MLF2: variants seen among roughly 807,000 people sequenced by gnomAD.
The protein encoded by MLF2 is myeloid leukemia factor 2.
MLF2 carries 12 observed loss-of-function variants against 31.4 expected under a neutral mutation model. The ratio of observed to expected loss-of-function variants is 0.38; its 90% CI spans 0.24 to 0.62. The LOEUF (loss-of-function observed/expected upper bound fraction) is 0.62, where lower values mean the gene tolerates loss of function less well. MLF2 is among the 20% of genes least tolerant of loss of function. The pLI is 0.58. For missense variants in MLF2, 272 were observed against 359.7 expected, an observed-to-expected ratio of 0.76 and a Z score of 1.97; for synonymous variants, 109 against 118.8, an observed-to-expected ratio of 0.92 and a Z score of 0.54.
At position 6,750,793 on chromosome 12, in the gene MLF2, T is replaced by C; in HGVS notation, c.217-27A>G. 1 of 1,609,354 alleles carries C rather than the reference T, an allele frequency of 6.2e-7. No homozygotes were observed. The highest frequency in any genetic ancestry group is 1.1e-5 in the South Asian group (1 of 90,846). Reference sequence around the variant, plus strand: ...TGGAGGAAAGAGATGGAAAACAGAGTCAGGAAAGCAAAGTCAGTGTTCAGA... The same window carrying C: ...TGGAGGAAAGAGATGGAAAACAGAGCCAGGAAAGCAAAGTCAGTGTTCAGA... On this transcript the variant is annotated intron_variant, in intron 4 of 8. Coordinates refer to ENST00000203630, the MANE Select transcript of MLF2 (RefSeq NM_001382226.1). The surrounding 1 kb of genome is among the most constrained non-coding windows in gnomAD (Gnocchi z 5.3).
rs914394468 is a variant in MLF2 at position 6,752,172 on chromosome 12, A to G, written c.50+113T>C. On this transcript the variant is annotated intron_variant, in intron 2 of 8. Coordinates refer to ENST00000203630, the MANE Select transcript of MLF2 (RefSeq NM_001382226.1). The surrounding 1 kb of genome is among the most constrained non-coding windows in gnomAD (Gnocchi z 4.6). ...CACCGATGCCTACTTCCTGCTAGGT[A>G]GGAGCTAGGTATCCAGCCAGTTCCA... The G allele has an allele frequency of 6.4e-6, 10 of 1,551,370 alleles. No individual in the cohort carries two copies. In the African/African-American group the frequency reaches 1.2e-4, roughly 19 times the overall value.
chr12:6,748,497 C>CA lies in MLF2; in HGVS notation c.*75_*76insT, dbSNP rs61179059. ...TTAATATTAAATTGGGGATGGGAAT[C>CA]GAGAGGAAAAAGTTATTCAGGGGAT... On this transcript the variant is annotated 3_prime_UTR_variant, in exon 9 of 9. Coordinates refer to ENST00000203630, the MANE Select transcript of MLF2 (RefSeq NM_001382226.1). The surrounding 1 kb of genome is among the most constrained non-coding windows in gnomAD (Gnocchi z 4.6). 0.13 allele frequency: 39,363 copies of CA among 298,012 alleles called. 3,013 individuals are homozygous for CA. The highest frequency in any genetic ancestry group is 0.21 in the African/African-American group (9,578 of 46,202). 18.5% of individuals were successfully genotyped at this position (298,012 alleles called of 1,614,324 possible).
At position 6,750,170 on chromosome 12, in the gene MLF2, A is replaced by G. The variant is rs377010164; in HGVS notation, c.399+7T>C. The G allele has an allele frequency of 3.6e-5, 58 of 1,614,050 alleles. No individual in the cohort carries two copies. Among genetic ancestry groups the G allele is most frequent in the Non-Finnish European group, 4.7e-5 (55 of 1,180,044 alleles). ...CTTCTCTGGGACAGGAGGGCTCCCC[A>G]ACTCACCCCGCCTGGTGCCGAGCGC... On this transcript the variant is annotated splice_region_variant and intron_variant, in intron 6 of 8. Transcript: ENST00000203630. This position sits in a 1 kb window ranked among gnomAD's most constrained non-coding sequence, Gnocchi z 5.3.
At position 6,750,595 on chromosome 12, in the gene MLF2, C is replaced by G; in HGVS notation, c.270+118G>C. 2 of 1,239,032 alleles carry G rather than the reference C, an allele frequency of 1.6e-6. No homozygotes were observed. Among genetic ancestry groups the G allele is most frequent in the South Asian group, 2.6e-5 (2 of 76,700 alleles). 76.8% of individuals were successfully genotyped at this position (1,239,032 alleles called of 1,614,324 possible). A position where few individuals can be genotyped will look rare whatever the true frequency, so the allele number is the denominator to read the frequency against. ...GTCCCAAGGCTCTCTGGTTCAATTA[C>G]TTTATCCAGTACTTTACCCTTCACT... On this transcript the variant is annotated intron_variant, in intron 5 of 8. Coordinates refer to ENST00000203630, the MANE Select transcript of MLF2 (RefSeq NM_001382226.1). The surrounding 1 kb of genome is among the most constrained non-coding windows in gnomAD (Gnocchi z 5.3).
intron 3 of MLF2, 58 bp from the exon 4 acceptor site, chr12:6,751,734 C>T: frequency 6.2e-7 from 1 of 1,604,218 alleles, no homozygotes; most frequent in Non-Finnish European, 8.5e-7. Context: ...TTTACAATCC[C>T]AAACCAGGCC....
rs1941597108 is a variant in MLF2 at position 6,750,458 on chromosome 12, CCT to C, written c.271-155_271-154del. 4.6e-6 allele frequency: 5 copies of C among 1,097,852 alleles called. No individual in the cohort carries two copies. Among genetic ancestry groups the C allele is most frequent in the Admixed American group, 5.4e-5 (2 of 37,278 alleles). The allele number at this position is 1,097,852 out of a possible 1,614,324, so 68.0% of individuals were successfully genotyped here. A position where few individuals can be genotyped will look rare whatever the true frequency, so the allele number is the denominator to read the frequency against. ...GGCCTCATCATTACCCTCCCAAATT[CCT>C]CTGAGTCCAACCACGAGCAAGAAGG... On this transcript the variant is annotated intron_variant, in intron 5 of 8. Transcript: ENST00000203630. This position sits in a 1 kb window ranked among gnomAD's most constrained non-coding sequence, Gnocchi z 5.3.
chr12:6,751,732 C>T, intron 3 of MLF2, 56 bp from the exon 4 acceptor site: 1 of 1,606,322 alleles, frequency 6.2e-7, no homozygotes, highest in Non-Finnish European at 8.5e-7. Context: ...TCTTTACAAT[C>T]CCAAACCAGG....
At position 6,751,986 on chromosome 12, in the gene MLF2, A is replaced by G. The variant is rs1941622077; in HGVS notation, c.119T>C (p.Phe40Ser). The change falls in exon 3 of 9, where the codon TTC becomes TCC. Residue 40 changes from phenylalanine (F) to serine (S), a missense_variant. Physicochemically the swap from Phe to Ser is radical, Grantham distance 155. Coordinates refer to ENST00000203630, the MANE Select transcript of MLF2 (RefSeq NM_001382226.1). ...CATGTTGCCATCTGTGATGCTGAGG[A>G]AGGGGCTATATCCAAAGCCACCTGA... ...MLSGGFGYSP[F>S]LSITDGNMPG... 2 of 1,614,204 alleles carry G rather than the reference A, an allele frequency of 1.2e-6. No homozygotes were observed. The highest frequency in any genetic ancestry group is 1.7e-6 in the Non-Finnish European group (2 of 1,180,038).
In MLF2 at chr12:6,748,618, G is replaced by T; in HGVS notation, c.*26-71C>A. The T allele has an allele frequency of 1.7e-6, 1 of 592,972 alleles. No individual in the cohort carries two copies. Among genetic ancestry groups the T allele is most frequent in the Non-Finnish European group, 2.8e-6 (1 of 354,488 alleles). 36.7% of individuals were successfully genotyped at this position (592,972 alleles called of 1,614,324 possible). A position where few individuals can be genotyped will look rare whatever the true frequency, so the allele number is the denominator to read the frequency against. The stretch of plus-strand genomic sequence containing the variant: ...ACTTACGTTAAGAGCCAGGAGTTGG[G>T]GTTTAATCCCCTATGTCAGTGAGAA... On this transcript the variant is annotated intron_variant, in intron 8 of 8. Transcript: ENST00000203630. The surrounding 1 kb of genome is among the most constrained non-coding windows in gnomAD (Gnocchi z 4.6).
Position 6,749,738 on chromosome 12 carries a change from A to AG in MLF2, c.559+109dup. The AG allele has an allele frequency of 7.5e-7, 1 of 1,327,094 alleles. No homozygotes were observed. Among genetic ancestry groups the AG allele is most frequent in the Non-Finnish European group, 1.0e-6 (1 of 968,186 alleles). 82.2% of individuals were successfully genotyped at this position (1,327,094 alleles called of 1,614,324 possible). On this transcript the variant is annotated intron_variant, in intron 7 of 8. Transcript: ENST00000203630. This position sits in a 1 kb window ranked among gnomAD's most constrained non-coding sequence, Gnocchi z 5.3. ...GACTCCATCTCAAAAAAAAAAAAAA[A>AG]GGAATATGGGGCTGACCCAGAGCTT... is the stretch of plus-strand genomic sequence containing the variant.
chr12:6,751,450 C>G lies in MLF2; in HGVS notation c.216+191G>C, dbSNP rs544601718. Among the ~76,000 whole-genome samples, 9 of 152,258 alleles carry G rather than the reference C, an allele frequency of 5.9e-5. No homozygotes were observed. The South Asian group carries it at 1.7e-3, about 28-fold the overall frequency. On this transcript the variant is annotated intron_variant, in intron 4 of 8. Transcript: ENST00000203630. ...GCAAGTGATCACCCATCTCGGCCTC[C>G]CAACAAGAGTTTAACACCTTTAACC... is the stretch of plus-strand genomic sequence containing the variant.
At position 6,751,549 on chromosome 12, in the gene MLF2, A is replaced by G; in HGVS notation, c.216+92T>C. ...AAAAGAGAAGATTCTGGGGTTACTC[A>G]TGAAACTATTCCTAAGAGGCACATT... On this transcript the variant is annotated intron_variant, in intron 4 of 8. Transcript: ENST00000203630. The G allele has an allele frequency of 3.6e-6, 5 of 1,407,892 alleles. No homozygotes were observed. In the Admixed American group the frequency reaches 6.8e-5, roughly 19 times the overall value. The allele number at this position is 1,407,892 out of a possible 1,614,324, so 87.2% of individuals were successfully genotyped here.
chr12:6,748,732 C>A lies in MLF2; in HGVS notation c.*25+38G>T, dbSNP rs35247189. On this transcript the variant is annotated intron_variant, in intron 8 of 8. Coordinates refer to ENST00000203630, the MANE Select transcript of MLF2 (RefSeq NM_001382226.1). The surrounding 1 kb of genome is among the most constrained non-coding windows in gnomAD (Gnocchi z 4.6). Reference sequence around the variant, plus strand: ...GCCTGCCTTGCAGCCGAGGACCGTCCGCAGGTGCACCCCACCCTCCTTACT... The same window carrying A: ...GCCTGCCTTGCAGCCGAGGACCGTCAGCAGGTGCACCCCACCCTCCTTACT... 0.21 allele frequency: 300,413 copies of A among 1,428,490 alleles called. 33,282 individuals carry two copies. The highest frequency in any genetic ancestry group is 0.23 in the Non-Finnish European group (247,413 of 1,082,512). The allele number at this position is 1,428,490 out of a possible 1,614,324, so 88.5% of individuals were successfully genotyped here. A position where few individuals can be genotyped will look rare whatever the true frequency, so the allele number is the denominator to read the frequency against.
rs1941600607 is a variant in MLF2 at position 6,750,703 on chromosome 12, C to T, written c.270+10G>A. The T allele has an allele frequency of 6.2e-7, 1 of 1,613,652 alleles. No individual in the cohort carries two copies. Among genetic ancestry groups the T allele is most frequent in the African/African-American group, 1.3e-5 (1 of 74,886 alleles). On this transcript the variant is annotated intron_variant, in intron 5 of 8. Coordinates refer to ENST00000203630, the MANE Select transcript of MLF2 (RefSeq NM_001382226.1). This position sits in a 1 kb window ranked among gnomAD's most constrained non-coding sequence, Gnocchi z 5.3. ...AGCAAGGCCGGGGAAGGGTATGGGG[C>T]AAGTCTCACCATGTTTCCAATCATG...
chr12:6,751,618 G>A, intron 4 of MLF2, 23 bp downstream of exon 4: 1 of 1,611,152 alleles, frequency 6.2e-7, no homozygotes, highest in Non-Finnish European at 8.5e-7. Context: ...GAGATGGAAG[G>A]ACACAGGGAG....
rs1317253490 is a variant in MLF2, at chr12:6,748,442, G to A, written c.*131C>T. On this transcript the variant is annotated 3_prime_UTR_variant, in exon 9 of 9. Transcript: ENST00000203630. The surrounding 1 kb of genome is among the most constrained non-coding windows in gnomAD (Gnocchi z 4.6). Reference sequence around the variant, plus strand: ...GAAAGGTTCTCCCTGAGACCCCCAGGGAGAGGTGGGGGCCGGCTTGCCTGT... The same window carrying A: ...GAAAGGTTCTCCCTGAGACCCCCAGAGAGAGGTGGGGGCCGGCTTGCCTGT... 1.0e-5 allele frequency: 2 copies of A among 197,918 alleles called. No homozygotes were observed. The highest frequency in any genetic ancestry group is 6.1e-5 in the Admixed American group (1 of 16,434). 12.3% of individuals were successfully genotyped at this position (197,918 alleles called of 1,614,324 possible).
chr12:6,751,563 A>C lies in MLF2; in HGVS notation c.216+78T>G. On this transcript the variant is annotated intron_variant, in intron 4 of 8. Coordinates refer to ENST00000203630, the MANE Select transcript of MLF2 (RefSeq NM_001382226.1). ...TGGGGTTACTCATGAAACTATTCCT[A>C]AGAGGCACATTTGGGAATAATATCT... 2.7e-6 allele frequency: 4 copies of C among 1,490,578 alleles called. No individual in the cohort carries two copies. In the South Asian group the frequency reaches 4.5e-5, roughly 17 times the overall value. 92.3% of individuals were successfully genotyped at this position (1,490,578 alleles called of 1,614,324 possible).
At position 6,752,558 on chromosome 12, in the gene MLF2, C is replaced by G; in HGVS notation, c.-28-196G>C. The stretch of plus-strand genomic sequence containing the variant: ...CTTCAAACCTCTTTCTCAATTAGGG[C>G]CATGGAAAATTTTTCCAACCCTCTC... On this transcript the variant is annotated intron_variant, in intron 1 of 8. Transcript: ENST00000203630. The surrounding 1 kb of genome is among the most constrained non-coding windows in gnomAD (Gnocchi z 4.6). The G allele has an allele frequency of 2.0e-6, 1 of 510,316 alleles. No homozygotes were observed. Among genetic ancestry groups the G allele is most frequent in the Non-Finnish European group, 3.5e-6 (1 of 287,618 alleles). The allele number at this position is 510,316 out of a possible 1,614,324, so 31.6% of individuals were successfully genotyped here. A position where few individuals can be genotyped will look rare whatever the true frequency, so the allele number is the denominator to read the frequency against.
chr12:6,750,440 T>C lies in MLF2; in HGVS notation c.271-135A>G. On this transcript the variant is annotated intron_variant, in intron 5 of 8. Coordinates refer to ENST00000203630, the MANE Select transcript of MLF2 (RefSeq NM_001382226.1). The surrounding 1 kb of genome is among the most constrained non-coding windows in gnomAD (Gnocchi z 5.3). ...AGAACTGAAAAAACATCAGGCCTCA[T>C]CATTACCCTCCCAAATTCCTCTGAG... 1 of 1,231,870 alleles carries C rather than the reference T, an allele frequency of 8.1e-7. No homozygotes were observed. The highest frequency in any genetic ancestry group is 1.1e-6 in the Non-Finnish European group (1 of 891,544). 76.3% of individuals were successfully genotyped at this position (1,231,870 alleles called of 1,614,324 possible).
Sources: allele counts gnomAD v4.1 joint callset (sites outside exome capture counted in the v4.1 genomes callset), GRCh38; gene constraint gnomAD v4.1.1; non-coding constraint Gnocchi (gnomAD v3.1); transcripts MANE v1.5; gene names NCBI Gene and HGNC (gene_info 2026-07-23, HGNC 2026-07-21).